Variants in PSD2 observed in about 807,000 individuals in gnomAD.
PSD2 encodes the protein pleckstrin and Sec7 domain containing 2, also known as PH and SEC7 domain-containing protein 2.
A neutral mutation model predicts 69.8 loss-of-function variants in PSD2; 38 were observed. That is an observed-to-expected ratio of 0.54 (90% confidence interval 0.42 to 0.71). The LOEUF (loss-of-function observed/expected upper bound fraction) is 0.71. PSD2 is among the 30% of genes least tolerant of loss of function. The probability of loss-of-function intolerance (pLI) is 0.00; values close to 1 mark genes in which losing one functional copy is unlikely to be tolerated. For synonymous variants in PSD2, 412 were observed against 423.0 expected (o/e 0.97, Z 0.32); for missense variants, 943 against 1,014.5 (o/e 0.93, Z 0.96).
chr5:139,762,985 C>T, the PSD2 span, among the ~76,000 whole-genome samples: 1 of 152,132 alleles, frequency 6.6e-6, no homozygotes, highest in Non-Finnish European at 1.5e-5. Context: ...TAGTCACATT[C>T]TGCAGCGCCT....
At chr5:139,759,712 A>G in the PSD2 span, among the ~76,000 whole-genome samples, 1 of 152,182 alleles carries the variant, frequency 6.6e-6, no homozygotes, top group Non-Finnish European at 1.5e-5. Flanking sequence ...TTTGACAATA[A>G]TCATCTGCCC....
At chr5:139,746,095 T>C in the PSD2 span, 1 of 151,850 alleles carries the variant, frequency 6.6e-6, no homozygotes, top group Non-Finnish European at 1.5e-5. The surrounding 1 kb of genome is among the most constrained non-coding windows in gnomAD (Gnocchi z 4.5). Context: ...CACCTCTCTG[T>C]CTCTCCAGAC....
chr5:139,762,616 A>G, the PSD2 span, among the ~76,000 whole-genome samples: 1 of 152,218 alleles, frequency 6.6e-6, no homozygotes, highest in Admixed American at 6.5e-5. Context: ...TGTTGAGGTC[A>G]CAGAGGGGTC....
At chr5:139,794,934 C>A (rs986125415), upstream of PSD2, among the ~76,000 whole-genome samples, 10 of 152,156 alleles carry the variant, frequency 6.6e-5, no homozygotes, top group Admixed American at 2.6e-4. Flanking sequence ...GAGTCCTGGG[C>A]TGAGGGGGGC....
rs1310425464 is a variant in PSD2 at position 139,843,492 on chromosome 5, C to T, written c.*1018C>T. 6.6e-6 allele frequency: 1 copy of T among 152,272 alleles called. No homozygotes were observed. Among genetic ancestry groups the T allele is most frequent in the Non-Finnish European group, 1.5e-5 (1 of 68,070 alleles). 9.4% of individuals were successfully genotyped at this position (152,272 alleles called of 1,614,324 possible). A position where few individuals can be genotyped will look rare whatever the true frequency, so the allele number is the denominator to read the frequency against. ...ATGTTGGTGCTGCCAGGTCTCTGAG[C>T]TCCAGAGGTGGCCTCTTGGACAGAT... On this transcript the variant is annotated 3_prime_UTR_variant, in exon 15 of 15. Coordinates refer to ENST00000274710, the MANE Select transcript of PSD2 (RefSeq NM_032289.4).
intron 1 of PSD2, among the ~76,000 whole-genome samples, chr5:139,798,342 C>A (rs1759585140): frequency 1.3e-5 from 2 of 152,322 alleles, no homozygotes; most frequent in East Asian, 3.9e-4. Context: ...CAGGGTCTGG[C>A]CCCCTTTTCA....
At chr5:139,769,040 A>G in the PSD2 span, among the ~76,000 whole-genome samples, 1 of 152,104 alleles carries the variant, frequency 6.6e-6, no homozygotes, top group South Asian at 2.1e-4. Context: ...GGTGGAGGGT[A>G]GGGGAAGATG....
Position 139,842,743 on chromosome 5 carries a change from T to C in PSD2, c.*269T>C. ...TCATTTTGTAGGCCAGTTGTGTGCATGCTCTAGACACCACCTCGCTGGAGA... is the reference window on the plus strand; with the variant it reads ...TCATTTTGTAGGCCAGTTGTGTGCACGCTCTAGACACCACCTCGCTGGAGA... On this transcript the variant is annotated 3_prime_UTR_variant, in exon 15 of 15. Transcript: ENST00000274710. 1 of 449,088 alleles carries C rather than the reference T, an allele frequency of 2.2e-6. No individual in the cohort carries two copies. Among genetic ancestry groups the C allele is most frequent in the Non-Finnish European group, 4.0e-6 (1 of 249,682 alleles). The allele number at this position is 449,088 out of a possible 1,614,324, so 27.8% of individuals were successfully genotyped here.
chr5:139,814,060 G>C lies in PSD2; in HGVS notation c.822-110G>C. 1.9e-6 allele frequency: 2 copies of C among 1,048,312 alleles called. No individual in the cohort carries two copies. Among genetic ancestry groups the C allele is most frequent in the Non-Finnish European group, 2.9e-6 (2 of 700,872 alleles). The allele number at this position is 1,048,312 out of a possible 1,614,324, so 64.9% of individuals were successfully genotyped here. Reference sequence around the variant, plus strand: ...CGGCTGCAGTGGAGCTTCTTTCCCTGTTCTGGCCCCTACATGGTTTGCAGT... The same window carrying C: ...CGGCTGCAGTGGAGCTTCTTTCCCTCTTCTGGCCCCTACATGGTTTGCAGT... On this transcript the variant is annotated intron_variant, in intron 3 of 14. Transcript: ENST00000274710. The surrounding 1 kb of genome is among the most constrained non-coding windows in gnomAD (Gnocchi z 4.4).
chr5:139,768,768 G>T, the PSD2 span, among the ~76,000 whole-genome samples: 3 of 151,634 alleles, frequency 2.0e-5, no homozygotes, highest in Admixed American at 6.6e-5. Context: ...GGGCTGGATG[G>T]GAGTAAAAAA....
At chr5:139,764,924 T>G in the PSD2 span, among the ~76,000 whole-genome samples, 8 of 152,064 alleles carry the variant, frequency 5.3e-5, no homozygotes, top group Non-Finnish European at 8.8e-5. Context: ...AAAGTGGCGC[T>G]GTTGTGAGGG....
intron 5 of PSD2, 89 bp downstream of exon 5, chr5:139,817,650 C>A (rs763089302): frequency 3.5e-6 from 4 of 1,140,972 alleles, no homozygotes; most frequent in East Asian, 2.4e-5. Flanking sequence ...ACTTGCTGTA[C>A]AACCTTGGGC....
At chr5:139,821,616 T>A (rs1760261611) in intron 5 of PSD2, among the ~76,000 whole-genome samples, 1 of 152,196 alleles carries the variant, frequency 6.6e-6, no homozygotes, top group Non-Finnish European at 1.5e-5. Context: ...TCTTCTGTCT[T>A]TGTTCTTCAC....
the PSD2 span, among the ~76,000 whole-genome samples, chr5:139,771,252 G>A: frequency 1.3e-5 from 2 of 152,234 alleles, no homozygotes; most frequent in South Asian, 2.1e-4. Context: ...GAGGAATTGC[G>A]GGCCTGGGGA....
At chr5:139,777,966 C>T in the PSD2 span, among the ~76,000 whole-genome samples, 1 of 152,240 alleles carries the variant, frequency 6.6e-6, no homozygotes, top group African/African-American at 2.4e-5. Flanking sequence ...ACCATTCCCT[C>T]TCAGTCTCCA....
the PSD2 span, among the ~76,000 whole-genome samples, chr5:139,768,064 C>T: frequency 9.2e-5 from 14 of 152,380 alleles, no homozygotes; most frequent in East Asian, 7.7e-4. Flanking sequence ...TCTGGCCCCC[C>T]GCCAGGGAGG....
intron 1 of PSD2, among the ~76,000 whole-genome samples, chr5:139,808,876 TAA>T (rs1759877183): frequency 6.6e-6 from 1 of 152,230 alleles, no homozygotes; most frequent in African/African-American, 2.4e-5. Context: ...CCTCCTCTCT[TAA>T]CTCCTCCTTG....
At chr5:139,796,580 C>A (rs1759535243) in intron 1 of PSD2, among the ~76,000 whole-genome samples, 1 of 152,192 alleles carries the variant, frequency 6.6e-6, no homozygotes, top group South Asian at 2.1e-4. Flanking sequence ...ATGGCCGAGG[C>A]GGCAGCGGGA....
At chr5:139,829,290 T>G (rs903143398) in intron 7 of PSD2, among the ~76,000 whole-genome samples, 3 of 152,210 alleles carry the variant, frequency 2.0e-5, no homozygotes, top group African/African-American at 7.2e-5. Flanking sequence ...GCCAGTAAGG[T>G]GCCTATATGT....
Sources: gnomAD v4.1 joint callset for allele counts (sites outside exome capture counted in the v4.1 genomes callset) on GRCh38, gnomAD v4.1.1 for gene constraint, Gnocchi (gnomAD v3.1) non-coding constraint, MANE v1.5 for transcripts, NCBI Gene and HGNC (gene_info 2026-07-23, HGNC 2026-07-21) for gene names.